The following MARCHF8 variants were observed in gnomAD, a reference collection of about 807,000 sequenced individuals.
MARCHF8 encodes the protein membrane associated ring-CH-type finger 8.
A neutral mutation model predicts 51.6 loss-of-function variants in MARCHF8; 40 were observed. The ratio of observed to expected loss-of-function variants is 0.77; its 90% CI spans 0.60 to 1.01. The LOEUF (loss-of-function observed/expected upper bound fraction) is 1.01. MARCHF8 is among the 50% of genes least tolerant of loss of function. The pLI is 0.00. For missense variants in MARCHF8, 685 were observed against 708.6 expected (o/e 0.97, Z 0.38); for synonymous variants, 263 against 280.3 (o/e 0.94, Z 0.62).
chr10:45,505,126 C>T (rs1024971267), intron 2 of MARCHF8, among the ~76,000 whole-genome samples: 1 of 152,312 alleles, frequency 6.6e-6, no homozygotes, highest in East Asian at 1.9e-4. Flanking sequence ...AGAAGGATTG[C>T]CTACTTCACA....
intron 1 of MARCHF8, among the ~76,000 whole-genome samples, chr10:45,573,316 G>T (rs1252586419): frequency 6.6e-6 from 1 of 152,184 alleles, no homozygotes; most frequent in African/African-American, 2.4e-5. Flanking sequence ...CCTTCAAGGT[G>T]TACAATAATA....
Position 45,511,901 on chromosome 10 carries a change from G to C in MARCHF8, c.102+21209C>G, listed in dbSNP as rs1257347237. Among the ~76,000 whole-genome samples the C allele has an allele frequency of 1.3e-4, 20 of 150,440 alleles. No homozygotes were observed. The East Asian group carries it at 4.0e-3, about 30-fold the overall frequency. ...GGGACGTGAGGAGCCCCTCTGCCTG[G>C]CTGCCCAGTCTGGAAAGTGAGGAGC... On this transcript the variant is annotated intron_variant, in intron 2 of 7. Transcript: ENST00000453424.
At chr10:45,493,808 C>G (rs942383338) in intron 2 of MARCHF8, among the ~76,000 whole-genome samples, 5 of 152,196 alleles carry the variant, frequency 3.3e-5, no homozygotes, top group South Asian at 4.2e-4. Flanking sequence ...AGGGTTTTGC[C>G]ATGTTGTCCA....
chr10:45,566,258 C>T (rs1318670074), intron 1 of MARCHF8, among the ~76,000 whole-genome samples: 6 of 152,134 alleles, frequency 3.9e-5, no homozygotes, highest in Admixed American at 1.3e-4. Context: ...TACCCTAAAG[C>T]GTTTATCCTC....
In MARCHF8 at chr10:45,463,927, AG is replaced by A. The variant is rs1478481517; in HGVS notation, c.311del (p.Pro104LeufsTer7). The A allele has an allele frequency of 4.6e-6, 7 of 1,536,176 alleles. No individual in the cohort carries two copies. The highest frequency in any genetic ancestry group is 6.1e-6 in the Non-Finnish European group (7 of 1,146,916). ...SVQSAVVSKA[P>X]HCQSSLTQGL... is the part of the protein sequence containing the mutation. ...CTTGTGTCAGAGAACTCTGGCAGTG[AG>A]GAGCTTTCGAGACAACAGCAGACTG... On this transcript the variant is annotated frameshift_variant, in exon 5 of 8. Transcript: ENST00000453424. LOFTEE classifies it high-confidence loss of function.
chr10:45,513,899 T>A (rs191054689), intron 2 of MARCHF8, among the ~76,000 whole-genome samples: 1 of 152,298 alleles, frequency 6.6e-6, no homozygotes, highest in Admixed American at 6.5e-5. Flanking sequence ...TGGAGTGGCT[T>A]CTGAAAACAA....
intron 1 of MARCHF8, among the ~76,000 whole-genome samples, chr10:45,575,181 G>A (rs1301354249): frequency 2.6e-5 from 4 of 152,082 alleles, no homozygotes; most frequent in Admixed American, 6.6e-5. Context: ...AGATCCCATC[G>A]CCCAGGACAA....
intron 2 of MARCHF8, among the ~76,000 whole-genome samples, chr10:45,520,360 C>T (rs1404727530): frequency 6.6e-6 from 1 of 152,180 alleles, no homozygotes; most frequent in Non-Finnish European, 1.5e-5. Flanking sequence ...CAGTAATAAA[C>T]ATTCTTAAGC....
chr10:45,543,324 T>C (rs2044078284), intron 1 of MARCHF8, among the ~76,000 whole-genome samples: 1 of 152,224 alleles, frequency 6.6e-6, no homozygotes, highest in Admixed American at 6.5e-5. Context: ...TTTTCCTGGG[T>C]GATTTAATCC....
intron 2 of MARCHF8, among the ~76,000 whole-genome samples, chr10:45,503,536 C>CAAATAAATAAAT (rs74794115): frequency 0.094 from 13,614 of 144,780 alleles, 748 homozygotes; most frequent in African/African-American, 0.14. Context: ...GACTCCGTCT[C>CAAATAAATAAAT]AAATAAATAA....
chr10:45,463,480 G>T lies in MARCHF8; in HGVS notation c.759C>A (p.Ser253=), dbSNP rs1842862035. ...LEEKADGEAT[S]RSRQLLQYLF... ...GGTACTGGAGCAGTTGCCGGCTTCGGGACGTGGCCTCACCATCCGCCTTCT... is the reference window on the plus strand; with the variant it reads ...GGTACTGGAGCAGTTGCCGGCTTCGTGACGTGGCCTCACCATCCGCCTTCT... The change falls in exon 5 of 8, where the codon TCC becomes TCA. Residue 253 remains serine (S), a synonymous_variant. Transcript: ENST00000453424. 2 of 1,550,642 alleles carry T rather than the reference G, an allele frequency of 1.3e-6. No homozygotes were observed. The highest frequency in any genetic ancestry group is 2.4e-5 in the South Asian group (2 of 84,064).
chr10:45,544,395 T>C (rs959773392), intron 1 of MARCHF8, among the ~76,000 whole-genome samples: 1 of 152,196 alleles, frequency 6.6e-6, no homozygotes, highest in Non-Finnish European at 1.5e-5. Context: ...TATGAAAACA[T>C]ACGTCCACAC....
intron 6 of MARCHF8, chr10:45,459,774 G>A (rs968696244): frequency 8.1e-6 from 8 of 985,296 alleles, no homozygotes; most frequent in African/African-American, 1.7e-5. Context: ...GCAACAGCTC[G>A]AAATCGACGC....
intron 1 of MARCHF8, among the ~76,000 whole-genome samples, chr10:45,571,002 C>T (rs1045705324): frequency 6.6e-6 from 1 of 152,114 alleles, no homozygotes; most frequent in Non-Finnish European, 1.5e-5. Flanking sequence ...GTTGATTCTG[C>T]CCAAATCACA....
intron 1 of MARCHF8, among the ~76,000 whole-genome samples, chr10:45,545,137 C>T (rs2044104062): frequency 1.3e-5 from 2 of 151,268 alleles, no homozygotes; most frequent in Admixed American, 1.3e-4. Flanking sequence ...ACTTCATTAA[C>T]AATGTTCACA....
At chr10:45,584,315 G>GA (rs1321708064) in intron 1 of MARCHF8, among the ~76,000 whole-genome samples, 1 of 151,150 alleles carries the variant, frequency 6.6e-6, no homozygotes, top group African/African-American at 2.4e-5. Context: ...AAATCTGAGG[G>GA]AAAATCTCAC....
chr10:45,525,071 A>G (rs1354516718), intron 2 of MARCHF8, among the ~76,000 whole-genome samples: 1 of 152,242 alleles, frequency 6.6e-6, no homozygotes, highest in Non-Finnish European at 1.5e-5. Context: ...TTAAGTAGTA[A>G]AAGTGTGGTG....
At chr10:45,568,198 A>T (rs2044385915) in intron 1 of MARCHF8, among the ~76,000 whole-genome samples, 1 of 152,210 alleles carries the variant, frequency 6.6e-6, no homozygotes, top group Admixed American at 6.5e-5. Flanking sequence ...TCCAAATATA[A>T]AATTACACCA....
chr10:45,560,303 G>A lies in MARCHF8; in HGVS notation c.-78-27014C>T, dbSNP rs540708698. On this transcript the variant is annotated intron_variant, in intron 1 of 6. Coordinates refer to the MARCHF8 transcript ENST00000319836. ...GGCCAAGAGGTTTTATAAAAGCTTT[G>A]GAAAACGATTTGGCTGAAGGCAGCT... 2.6e-5 allele frequency among the ~76,000 whole-genome samples: 4 copies of A among 152,274 alleles called. No individual in the cohort carries two copies. In the South Asian group the frequency reaches 8.3e-4, roughly 32 times the overall value.
Sources: allele counts gnomAD v4.1 joint callset (sites outside exome capture counted in the v4.1 genomes callset), GRCh38; gene constraint gnomAD v4.1.1; transcripts MANE v1.5; gene names NCBI Gene and HGNC (gene_info 2026-07-23, HGNC 2026-07-21).